AASDH: variants seen among roughly 807,000 people sequenced by gnomAD.
AASDH encodes the protein aminoadipate-semialdehyde dehydrogenase.
AASDH carries 81 observed loss-of-function variants against 102.3 expected under a neutral mutation model. The observed-to-expected ratio is 0.79, with a 90% CI of 0.66 to 0.95. The LOEUF (loss-of-function observed/expected upper bound fraction) is 0.95. Among genes scored for constraint, AASDH ranks in the 40% least tolerant of loss-of-function variants. The pLI, the probability that AASDH is intolerant of heterozygous loss-of-function variation, is 0.00. For synonymous variants in AASDH, 398 were observed against 454.0 expected (o/e 0.88, Z 1.57); for missense variants, 1,203 against 1,266.2 (o/e 0.95, Z 0.76).
At position 56,338,636 on chromosome 4, in the gene AASDH, A is replaced by G; in HGVS notation, c.3063T>C (p.Tyr1021=). ...QWKFETTSRV[Y]ATPFAFHNYN... The stretch of plus-strand genomic sequence containing the variant: ...AGTTATGGAAAGCAAACGGTGTTGC[A>G]TAGACCCTTGAAGTAGTTTCAAATT... The change falls in exon 15 of 15, where the codon TAT becomes TAC. Residue 1021 remains tyrosine (Y), a synonymous_variant. Coordinates refer to ENST00000205214, the MANE Select transcript of AASDH (RefSeq NM_181806.4). 1 of 1,614,252 alleles carries G rather than the reference A, an allele frequency of 6.2e-7. No homozygotes were observed.
intron 5 of AASDH, among the ~76,000 whole-genome samples, chr4:56,360,199 G>C (rs1750133293): frequency 6.6e-6 from 1 of 152,084 alleles, no homozygotes; most frequent in Non-Finnish European, 1.5e-5. Flanking sequence ...TTATGTGCAT[G>C]AACACAGCCT....
chr4:56,381,979 T>A (rs1463450651), intron 3 of AASDH: 1 of 152,214 alleles, frequency 6.6e-6, no homozygotes, highest in Non-Finnish European at 1.5e-5. Flanking sequence ...AGTACCAGTC[T>A]CTTTTTCAAA....
chr4:56,369,666 C>T (rs1751457166), intron 5 of AASDH, among the ~76,000 whole-genome samples: 1 of 152,168 alleles, frequency 6.6e-6, no homozygotes, highest in Non-Finnish European at 1.5e-5. Context: ...GTGGCTCACA[C>T]CTGAAATCCC....
intron 5 of AASDH, among the ~76,000 whole-genome samples, chr4:56,360,643 T>G (rs1178727639): frequency 1.3e-5 from 2 of 152,198 alleles, no homozygotes; most frequent in African/African-American, 2.4e-5. Context: ...TTGTCCAGCT[T>G]TATAGTTGCT....
chr4:56,366,822 G>A (rs1276365615), intron 5 of AASDH, among the ~76,000 whole-genome samples: 1 of 150,628 alleles, frequency 6.6e-6, no homozygotes. Flanking sequence ...AGACAGGGAT[G>A]CCCTCTCTCA....
At chr4:56,352,599 TTGGCCAGGCC>T (rs1227862252) in intron 9 of AASDH, among the ~76,000 whole-genome samples, 1 of 152,224 alleles carries the variant, frequency 6.6e-6, no homozygotes, top group East Asian at 1.9e-4. Context: ...TTTCACCATT[TTGGCCAGGCC>T]AGTCTCAAAC....
chr4:56,353,464 G>A lies in AASDH; in HGVS notation c.1516C>T (p.Pro506Ser). The change falls in exon 9 of 15, where the codon CCA becomes TCA. Residue 506 changes from proline to serine, a missense_variant. Physicochemically the swap from Pro to Ser is moderately conservative, Grantham distance 74. Coordinates refer to ENST00000205214, the MANE Select transcript of AASDH (RefSeq NM_181806.4). ...YIFKELQKYL[P>S]SHAVPDELVL... is the part of the protein sequence containing the mutation. The stretch of plus-strand genomic sequence containing the variant: ...AGCTCATCCGGGACTGCATGACTTG[G>A]AAGATATTTCTGCAGTTCTTTAAAG... 6.2e-7 allele frequency: 1 copy of A among 1,613,884 alleles called. No homozygotes were observed. The highest frequency in any genetic ancestry group is 8.5e-7 in the Non-Finnish European group (1 of 1,179,926).
intron 4 of AASDH, among the ~76,000 whole-genome samples, chr4:56,374,830 G>A (rs1752166738): frequency 6.6e-6 from 1 of 152,066 alleles, no homozygotes; most frequent in African/African-American, 2.4e-5. Context: ...ATTTTAAAAT[G>A]GAGAAAACTG....
In AASDH at chr4:56,338,729, T is replaced by C; in HGVS notation, c.2970A>G (p.Gln990=). ...FSSPCTSPSE[Q]KIFFGSHDCF... Reference sequence around the variant, plus strand: ...AATCATGGGAACCAAAAAATATTTTTTGCTCTGATGGTGAGGTACACGGGG... The same window carrying C: ...AATCATGGGAACCAAAAAATATTTTCTGCTCTGATGGTGAGGTACACGGGG... The change falls in exon 15 of 15, where the codon CAA becomes CAG. Residue 990 remains glutamine (Q), a synonymous_variant. Coordinates refer to ENST00000205214, the MANE Select transcript of AASDH (RefSeq NM_181806.4). The C allele has an allele frequency of 6.2e-7, 1 of 1,614,204 alleles. No homozygotes were observed. Among genetic ancestry groups the C allele is most frequent in the Non-Finnish European group, 8.5e-7 (1 of 1,180,030 alleles).
chr4:56,385,716 AG>A (rs1753468187), intron 1 of AASDH, among the ~76,000 whole-genome samples: 1 of 152,006 alleles, frequency 6.6e-6, no homozygotes, highest in Non-Finnish European at 1.5e-5. Context: ...TCCCACCTCA[AG>A]CTCCCGAGTA....
intron 14 of AASDH, 151 bp from the exon 15 acceptor site, chr4:56,338,942 A>T (rs1747269655): frequency 1.3e-6 from 1 of 746,160 alleles, no homozygotes; most frequent in African/African-American, 1.8e-5. Flanking sequence ...TCTGAAAAGT[A>T]GCACTATCAT....
intron 5 of AASDH, among the ~76,000 whole-genome samples, chr4:56,357,639 T>A (rs6554351): frequency 6.7e-6 from 1 of 148,864 alleles, no homozygotes; most frequent in Non-Finnish European, 1.5e-5. Context: ...AAATTATATA[T>A]ATAATTATAT....
chr4:56,342,804 TGTA>T, intron 14 of AASDH, 28 bp downstream of exon 14: 1 of 998,206 alleles, frequency 1.0e-6, no homozygotes, highest in Non-Finnish European at 1.3e-6. Context: ...TATATAAAAA[TGTA>T]TATATAAAAA....
At position 56,338,769 on chromosome 4, in the gene AASDH, C is replaced by T. The variant is rs758198512; in HGVS notation, c.2930G>A (p.Gly977Glu). The change falls in exon 15 of 15, where the codon GGA becomes GAA. Residue 977 changes from glycine (G) to glutamate (E), a missense_variant. Physicochemically the swap from Gly to Glu is moderately conservative, Grantham distance 98 (BLOSUM62 -2). Transcript: ENST00000205214. ...GEQVWQFSTS[G>E]PIFSSPCTSP... The stretch of plus-strand genomic sequence containing the variant: ...GGTACACGGGGATGAAAAGATTGGT[C>T]CACTGGTAGAGAACTGCCAAACCTA... 1 of 1,613,902 alleles carries T rather than the reference C, an allele frequency of 6.2e-7. No homozygotes were observed. The highest frequency in any genetic ancestry group is 1.3e-5 in the African/African-American group (1 of 74,918).
At chr4:56,370,891 C>G (rs904195226) in intron 5 of AASDH, among the ~76,000 whole-genome samples, 5 of 152,112 alleles carry the variant, frequency 3.3e-5, no homozygotes, top group Non-Finnish European at 4.4e-5. Context: ...TGCTAATTCT[C>G]TAGTACTGTT....
chr4:56,345,058 C>T, intron 12 of AASDH, 69 bp downstream of exon 12: 1 of 1,536,114 alleles, frequency 6.5e-7, no homozygotes, highest in Non-Finnish European at 8.9e-7. Flanking sequence ...CCTCCCACCT[C>T]AGCCTCTGGA....
intron 11 of AASDH, among the ~76,000 whole-genome samples, chr4:56,348,507 G>T (rs1748589810): frequency 6.6e-6 from 1 of 152,168 alleles, no homozygotes; most frequent in South Asian, 2.1e-4. Flanking sequence ...TGTCCACCTT[G>T]GCCTCTCAAA....
chr4:56,354,936 G>T, intron 6 of AASDH, 125 bp from the exon 7 acceptor site: 1 of 858,890 alleles, frequency 1.2e-6, no homozygotes, highest in Non-Finnish European at 1.7e-6. Flanking sequence ...TTCAAAGACT[G>T]ACAAGAGGAA....
chr4:56,357,771 G>GT (rs1033290549), intron 5 of AASDH, among the ~76,000 whole-genome samples: 7 of 151,740 alleles, frequency 4.6e-5, no homozygotes, highest in African/African-American at 1.5e-4. Flanking sequence ...GCTGCTAAGT[G>GT]TATCAACAGT....
Sources: gnomAD v4.1 joint callset for allele counts (sites outside exome capture counted in the v4.1 genomes callset) on GRCh38, gnomAD v4.1.1 for gene constraint, MANE v1.5 for transcripts, NCBI Gene and HGNC (gene_info 2026-07-23, HGNC 2026-07-21) for gene names.